Variants in CDH18 observed in about 807,000 individuals in gnomAD.
CDH18 encodes cadherin 18.
CDH18 carries 31 observed loss-of-function variants against 67.9 expected under a neutral mutation model. That is an observed-to-expected ratio of 0.46 (90% CI 0.34 to 0.62). CDH18 has a LOEUF of 0.62. Ranked by LOEUF, CDH18 falls within the 20% of genes least tolerant of loss-of-function variation. The probability of loss-of-function intolerance (pLI) is 0.01; values close to 1 mark genes in which losing one functional copy is unlikely to be tolerated. For synonymous variants in CDH18, 362 were observed against 347.2 expected (o/e 1.04, Z -0.48); for missense variants, 890 against 975.5 (o/e 0.91, Z 1.17).
chr5:20,251,237 A>G (rs1743834986), intron 2 of CDH18, among the ~76,000 whole-genome samples: 1 of 152,150 alleles, frequency 6.6e-6, no homozygotes, highest in Non-Finnish European at 1.5e-5. Context: ...ATAATAAATC[A>G]TAATTTTTTA....
chr5:19,991,145 C>T (rs79587311), upstream of CDH18, among the ~76,000 whole-genome samples: 255 of 152,224 alleles, frequency 1.7e-3, 2 homozygotes, highest in East Asian at 0.043. Flanking sequence ...AAAATTGTCT[C>T]TTTAGATGGC....
At chr5:19,944,525 A>T (rs1795114973) in intron 2 of CDH18, among the ~76,000 whole-genome samples, 1 of 152,138 alleles carries the variant, frequency 6.6e-6, no homozygotes, top group Non-Finnish European at 1.5e-5. Flanking sequence ...AATATTGCAC[A>T]TGCCTGGAGA....
At chr5:19,946,418 G>A (rs1795286406) in intron 2 of CDH18, among the ~76,000 whole-genome samples, 2 of 152,028 alleles carry the variant, frequency 1.3e-5, no homozygotes, top group Admixed American at 1.3e-4. Flanking sequence ...AATGAGATGT[G>A]TAAAAACAGA....
intron 4 of CDH18, 36 bp downstream of exon 4, chr5:19,746,906 T>C: frequency 1.3e-6 from 2 of 1,566,678 alleles, no homozygotes; most frequent in Non-Finnish European, 1.7e-6. Flanking sequence ...TTTCTTAATA[T>C]GTTAATTGCA....
intron 2 of CDH18, among the ~76,000 whole-genome samples, chr5:19,875,647 C>T (rs775328476): frequency 6.6e-6 from 1 of 151,498 alleles, no homozygotes; most frequent in African/African-American, 2.4e-5. Flanking sequence ...CATAATTTTG[C>T]CTATTTTTAA....
At position 19,692,725 on chromosome 5, in the gene CDH18, A is replaced by G. The variant is rs75659192; in HGVS notation, c.643+28622T>C. Reference sequence around the variant, plus strand: ...GAATGGCTATTATTAAAATGGAAAAAAATTATAGATTTTGTTGAGGATGCA... The same window carrying G: ...GAATGGCTATTATTAAAATGGAAAAGAATTATAGATTTTGTTGAGGATGCA... On this transcript the variant is annotated intron_variant, in intron 5 of 12. Transcript: ENST00000382275. Among the ~76,000 whole-genome samples the G allele has an allele frequency of 4.5e-4, 69 of 152,120 alleles. No individual in the cohort carries two copies. In the East Asian group the frequency reaches 0.013, roughly 29 times the overall value.
chr5:19,639,161 C>T (rs1753678469), intron 5 of CDH18, among the ~76,000 whole-genome samples: 1 of 151,902 alleles, frequency 6.6e-6, no homozygotes, highest in Non-Finnish European at 1.5e-5. Flanking sequence ...CGCCACCATG[C>T]CTGGCTAATT....
chr5:19,659,640 T>G (rs1263351618), intron 5 of CDH18, among the ~76,000 whole-genome samples: 2 of 152,030 alleles, frequency 1.3e-5, no homozygotes, highest in African/African-American at 4.8e-5. Context: ...AGATGATGAG[T>G]GCTGCACCCT....
At chr5:19,506,634 G>A (rs983553773) in intron 10 of CDH18, among the ~76,000 whole-genome samples, 1 of 152,050 alleles carries the variant, frequency 6.6e-6, no homozygotes, top group African/African-American at 2.4e-5. Flanking sequence ...TAACAAGCCT[G>A]GCAAAAACAA....
rs926825363 is a variant in CDH18 at position 20,084,930 on chromosome 5, G to T, written c.-517-92916C>A. 3.9e-4 allele frequency among the ~76,000 whole-genome samples: 59 copies of T among 152,136 alleles called. 1 individual carries two copies. Among genetic ancestry groups the T allele is most frequent in the Non-Finnish European group, 4.6e-4 (31 of 68,026 alleles). Reference sequence around the variant, plus strand: ...GGCTTGTGATGGGAGGGGCTGCCTTGAAGACCTCTGACATGCCCTGGAGAC... The same window carrying T: ...GGCTTGTGATGGGAGGGGCTGCCTTTAAGACCTCTGACATGCCCTGGAGAC... On this transcript the variant is annotated intron_variant, in intron 2 of 14. Transcript: ENST00000507958.
chr5:20,456,866 T>C (rs1244897629), intron 1 of CDH18, among the ~76,000 whole-genome samples: 4 of 152,208 alleles, frequency 2.6e-5, no homozygotes, highest in African/African-American at 9.6e-5. Context: ...GCTACTTTTA[T>C]TGTAAATTAA....
At chr5:20,003,305 G>A (rs140198952) in intron 2 of CDH18, among the ~76,000 whole-genome samples, 119 of 152,286 alleles carry the variant, frequency 7.8e-4, no homozygotes, top group South Asian at 2.7e-3. Context: ...GTTTGTGTGT[G>A]TGTGTGTGTG....
Position 19,611,519 on chromosome 5 carries a change from G to A in CDH18, c.811+915C>T, listed in dbSNP as rs535509066. 3.2e-4 allele frequency among the ~76,000 whole-genome samples: 49 copies of A among 152,254 alleles called. 1 individual carries two copies. Among genetic ancestry groups the A allele is most frequent in the Non-Finnish European group, 5.7e-4 (39 of 68,024 alleles). ...TTTTAGGAGGAGGCAGTATTCCACA[G>A]TGTCTAGGCCTGAGGTGTACTGCAA... On this transcript the variant is annotated intron_variant, in intron 6 of 12. Transcript: ENST00000382275.
intron 3 of CDH18, among the ~76,000 whole-genome samples, chr5:19,770,808 T>C (rs551717803): frequency 9.2e-5 from 14 of 152,340 alleles, no homozygotes; most frequent in Middle Eastern, 3.4e-3. Context: ...GGAATAGCTG[T>C]ATTCATTTTT....
intron 11 of CDH18, 162 bp downstream of exon 11, chr5:19,502,830 A>C: frequency 4.6e-6 from 3 of 650,936 alleles, no homozygotes. Context: ...CATATGGCTC[A>C]ATTTTAAACA....
intron 3 of CDH18, among the ~76,000 whole-genome samples, chr5:19,775,521 G>C (rs990126101): frequency 6.6e-6 from 1 of 151,810 alleles, no homozygotes; most frequent in Non-Finnish European, 1.5e-5. Flanking sequence ...CAGAGTAAAA[G>C]CAGGAGCGAG....
In CDH18 at chr5:20,352,624, C is replaced by CAAAAAAAAA. The variant is rs35947411; in HGVS notation, c.-579-97128_-579-97120dup. Among the ~76,000 whole-genome samples, 46 of 88,610 alleles carry CAAAAAAAAA rather than the reference C, an allele frequency of 5.2e-4. 1 individual carries two copies. Among genetic ancestry groups the CAAAAAAAAA allele is most frequent in the African/African-American group, 6.9e-4 (18 of 26,246 alleles). The allele number at this position is 88,610 out of a possible 152,430, so 58.1% of individuals were successfully genotyped here. A position where few individuals can be genotyped will look rare whatever the true frequency, so the allele number is the denominator to read the frequency against. ...TGAAACCCCGTCTCTACTAAAAATACAAAAAAAAAAAAAAAAAAAAATTAG... is the reference window on the plus strand; with the variant it reads ...TGAAACCCCGTCTCTACTAAAAATACAAAAAAAAAAAAAAAAAAAAAAAAAAAAAATTAG... On this transcript the variant is annotated intron_variant, in intron 1 of 14. Coordinates refer to the CDH18 transcript ENST00000507958.
intron 1 of CDH18, among the ~76,000 whole-genome samples, chr5:20,477,067 A>C (rs1752491080): frequency 6.6e-6 from 1 of 152,082 alleles, no homozygotes; most frequent in South Asian, 2.1e-4. Flanking sequence ...TGTTCTGTGG[A>C]TTGCTTTACA....
chr5:20,533,912 G>A (rs116591135), intron 1 of CDH18, among the ~76,000 whole-genome samples: 1 of 151,768 alleles, frequency 6.6e-6, no homozygotes, highest in Admixed American at 6.6e-5. Context: ...AGTTCATATC[G>A]ATATTGTTAC....
Sources: allele counts gnomAD v4.1 joint callset (sites outside exome capture counted in the v4.1 genomes callset), GRCh38; gene constraint gnomAD v4.1.1; transcripts MANE v1.5; gene names NCBI Gene and HGNC (gene_info 2026-07-23, HGNC 2026-07-21).